The following IL17RD variants were observed in gnomAD, a reference collection of about 807,000 sequenced individuals.
IL17RD encodes the protein interleukin 17 receptor D.
IL17RD carries 52 observed loss-of-function variants against 80.5 expected under a neutral mutation model. That is an observed-to-expected ratio of 0.65 (90% confidence interval 0.52 to 0.81). The LOEUF (loss-of-function observed/expected upper bound fraction) is 0.81. Ranked by LOEUF, IL17RD falls within the 40% of genes least tolerant of loss-of-function variation. The pLI is 0.00. For synonymous variants in IL17RD, 416 were observed against 391.8 expected, an observed-to-expected ratio of 1.06 and a Z score of -0.73; for missense variants, 1,024 against 955.1, an observed-to-expected ratio of 1.07 and a Z score of -0.95.
intron 1 of IL17RD, among the ~76,000 whole-genome samples, chr3:57,145,086 C>A (rs2107529780): frequency 6.6e-6 from 1 of 152,334 alleles, no homozygotes; most frequent in Middle Eastern, 3.4e-3. Flanking sequence ...GACTGCCTTT[C>A]TTCTGCCCTC....
chr3:57,111,499 A>G (rs1191207368), intron 3 of IL17RD, among the ~76,000 whole-genome samples: 1 of 152,182 alleles, frequency 6.6e-6, no homozygotes, highest in Non-Finnish European at 1.5e-5. Flanking sequence ...AAGTCATTAG[A>G]CCAACAACTA....
In IL17RD at chr3:57,097,747, G is replaced by A. The variant is rs1706716212; in HGVS notation, c.1956C>T (p.Ala652=). ...ALQPLLHTVK[A]GSPSDMPRDS... ...CCCGCGGCATGTCCGAGGGGCTGCC[G>A]GCTTTCACCGTGTGCAGCAGGGGTT... The change falls in exon 12 of 13, where the codon GCC becomes GCT. Residue 652 remains alanine, a synonymous_variant. Transcript: ENST00000296318. The A allele has an allele frequency of 6.2e-7, 1 of 1,602,052 alleles. No individual in the cohort carries two copies. Among genetic ancestry groups the A allele is most frequent in the Non-Finnish European group, 8.5e-7 (1 of 1,173,310 alleles).
intron 10 of IL17RD, among the ~76,000 whole-genome samples, chr3:57,102,257 G>A (rs1579260101): frequency 6.6e-6 from 1 of 152,182 alleles, no homozygotes; most frequent in African/African-American, 2.4e-5. Flanking sequence ...GCAACAGAGC[G>A]AGACCCTGTC....
chr3:57,161,885 A>T (rs2060307602), intron 1 of IL17RD, among the ~76,000 whole-genome samples: 3 of 152,240 alleles, frequency 2.0e-5, no homozygotes, highest in Admixed American at 2.0e-4. Context: ...TTCTGTGTGA[A>T]CACAGTATTT....
At chr3:57,123,333 T>A (rs561644482) in intron 1 of IL17RD, among the ~76,000 whole-genome samples, 72 of 152,346 alleles carry the variant, frequency 4.7e-4, no homozygotes, top group African/African-American at 1.7e-3. Flanking sequence ...TGGCTCCCTG[T>A]CCCTCCAGAT....
rs1408970486 is a variant in IL17RD, at chr3:57,104,370, T to C, written c.785A>G (p.Asn262Ser). The C allele has an allele frequency of 1.2e-6, 2 of 1,609,918 alleles. No individual in the cohort carries two copies. The highest frequency in any genetic ancestry group is 2.2e-5 in the South Asian group (2 of 90,388). Residue 262 changes from asparagine to serine, a missense_variant, in exon 8 of 13, where the codon AAT (asparagine) becomes AGT (serine). Coordinates refer to ENST00000296318, the MANE Select transcript of IL17RD (RefSeq NM_017563.5). ...TTETTSCLLQ[N>S]VSPGDYIIEL... ...AATTATATAATCCCCTGGAGAAACA[T>C]TTTGAAGGAGGCAGCTGGTCGTCTC...
At position 57,097,802 on chromosome 3, in the gene IL17RD, C is replaced by CG; in HGVS notation, c.1900dup (p.Arg634ProfsTer5). On this transcript the variant is annotated frameshift_variant, in exon 12 of 13. Transcript: ENST00000296318. LOFTEE classifies it high-confidence loss of function. ...GGCGGCGCTACCGTCAAGGGCAGGC[C>CG]GGGCCTCCCCGTCTTGGTCCAGGCC... 4 of 1,605,218 alleles carry CG rather than the reference C, an allele frequency of 2.5e-6. No individual in the cohort carries two copies. The highest frequency in any genetic ancestry group is 3.4e-6 in the Non-Finnish European group (4 of 1,175,908).
intron 1 of IL17RD, among the ~76,000 whole-genome samples, chr3:57,146,663 T>A (rs1413991913): frequency 6.8e-6 from 1 of 146,932 alleles, no homozygotes; most frequent in Non-Finnish European, 1.5e-5. Context: ...AGCAGGAGAA[T>A]CGCTTGAACC....
At chr3:57,164,444 A>G (rs1304543677) in intron 1 of IL17RD, among the ~76,000 whole-genome samples, 1 of 152,234 alleles carries the variant, frequency 6.6e-6, no homozygotes, top group East Asian at 1.9e-4. Flanking sequence ...GCACCTCTCC[A>G]GTCTCGTCTC....
Position 57,098,229 on chromosome 3 carries a change from G to A in IL17RD, c.1474C>T (p.Leu492=). The change falls in exon 12 of 13, where the codon CTA becomes TTA. Residue 492 remains leucine (L), a synonymous_variant. Transcript: ENST00000296318. The part of the protein sequence containing the change: ...YSCEGDVPGI[L]DLSTKYRLMD... ...AGTCTGTACTTGGTACTCAGGTCTAGGATACCGGGGACGTCTCCCTCGCAG... is the reference window on the plus strand; with the variant it reads ...AGTCTGTACTTGGTACTCAGGTCTAAGATACCGGGGACGTCTCCCTCGCAG... The A allele has an allele frequency of 6.2e-7, 1 of 1,613,930 alleles. No homozygotes were observed. Among genetic ancestry groups the A allele is most frequent in the South Asian group, 1.1e-5 (1 of 91,066 alleles).
chr3:57,133,414 CAT>C (rs1422860314), intron 1 of IL17RD, among the ~76,000 whole-genome samples: 30 of 152,328 alleles, frequency 2.0e-4, no homozygotes, highest in South Asian at 1.4e-3. Flanking sequence ...CACACACACA[CAT>C]GCAAACACAC....
At chr3:57,154,283 T>TACACATATACACACACAC (rs1553628628) in intron 1 of IL17RD, among the ~76,000 whole-genome samples, 18 of 112,912 alleles carry the variant, frequency 1.6e-4, no homozygotes, top group Middle Eastern at 4.5e-3. Flanking sequence ...TATATATATA[T>TACACATATACACACACAC]ACACACACAC....
At chr3:57,121,808 G>A (rs919764637) in intron 1 of IL17RD, among the ~76,000 whole-genome samples, 1 of 152,118 alleles carries the variant, frequency 6.6e-6, no homozygotes, top group African/African-American at 2.4e-5. Flanking sequence ...GACCAGGAAC[G>A]AGACAATCCA....
intron 1 of IL17RD, among the ~76,000 whole-genome samples, chr3:57,146,476 C>T (rs922174737): frequency 2.6e-5 from 4 of 152,054 alleles, no homozygotes; most frequent in East Asian, 1.9e-4. Flanking sequence ...TGGGGCTGGG[C>T]GCGGTGGCTC....
rs901483643 is a variant in IL17RD at position 57,104,216 on chromosome 3, A to G, written c.813+126T>C. ...AACTTTTTTTAAAAGCATGTTAAGAACCATATAAAAATATAACTGTGCACA... is the reference window on the plus strand; with the variant it reads ...AACTTTTTTTAAAAGCATGTTAAGAGCCATATAAAAATATAACTGTGCACA... On this transcript the variant is annotated intron_variant, in intron 8 of 12. Coordinates refer to ENST00000296318, the MANE Select transcript of IL17RD (RefSeq NM_017563.5). 6.0e-6 allele frequency: 4 copies of G among 662,116 alleles called. No individual in the cohort carries two copies. The African/African-American group carries it at 7.4e-5, about 12-fold the overall frequency. The allele number at this position is 662,116 out of a possible 1,614,324, so 41.0% of individuals were successfully genotyped here.
intron 1 of IL17RD, among the ~76,000 whole-genome samples, chr3:57,147,955 T>C (rs1707965974): frequency 2.0e-5 from 3 of 152,132 alleles, no homozygotes; most frequent in Admixed American, 1.3e-4. Context: ...AAGGAAACTC[T>C]CCTTAGAGAT....
intron 1 of IL17RD, among the ~76,000 whole-genome samples, chr3:57,156,043 C>G (rs1372415822): frequency 6.6e-6 from 1 of 152,186 alleles, no homozygotes; most frequent in African/African-American, 2.4e-5. Flanking sequence ...GTATGGAGAA[C>G]CTACTATGTG....
At chr3:57,101,751 AAAAGT>A (rs550553919) in intron 10 of IL17RD, among the ~76,000 whole-genome samples, 218 of 152,360 alleles carry the variant, frequency 1.4e-3, no homozygotes, top group African/African-American at 5.1e-3. Context: ...TAAAATTTAC[AAAAGT>A]AAAGTACATA....
At chr3:57,153,622 G>A (rs2060245064) in intron 1 of IL17RD, among the ~76,000 whole-genome samples, 2 of 152,310 alleles carry the variant, frequency 1.3e-5, no homozygotes, top group Admixed American at 6.5e-5. Context: ...GTAGCAAAAC[G>A]TTATGAATTG....
Sources: gnomAD v4.1 joint callset for allele counts (sites outside exome capture counted in the v4.1 genomes callset) on GRCh38, gnomAD v4.1.1 for gene constraint, MANE v1.5 for transcripts, NCBI Gene and HGNC (gene_info 2026-07-23, HGNC 2026-07-21) for gene names.